The following ADAMTS12 variants were observed in gnomAD, a reference collection of about 807,000 sequenced individuals.
ADAMTS12 encodes ADAM metallopeptidase with thrombospondin type 1 motif 12.
ADAMTS12 carries 118 observed loss-of-function variants against 167.8 expected under a neutral mutation model. The ratio of observed to expected loss-of-function variants is 0.70; its 90% confidence interval spans 0.61 to 0.82. ADAMTS12 has a LOEUF of 0.82. Ranked by LOEUF, ADAMTS12 falls within the 40% of genes least tolerant of loss-of-function variation. ADAMTS12 has a pLI of 0.00. For synonymous variants in ADAMTS12, 704 were observed against 716.9 expected (o/e 0.98, Z 0.29); for missense variants, 1,916 against 1,998.8 (o/e 0.96, Z 0.79).
chr5:33,682,854 C>CA (rs552120669), intron 5 of ADAMTS12, among the ~76,000 whole-genome samples, 164 bp downstream of exon 5: 3 of 152,114 alleles, frequency 2.0e-5, no homozygotes, highest in Non-Finnish European at 4.4e-5. Context: ...CGCTCAGTAT[C>CA]ACTGAACTCC....
At chr5:33,865,024 G>A (rs1440401166) in intron 2 of ADAMTS12, among the ~76,000 whole-genome samples, 3 of 151,848 alleles carry the variant, frequency 2.0e-5, no homozygotes, top group African/African-American at 7.3e-5. Flanking sequence ...TGAATTCACA[G>A]CTTAATTCTA....
intron 3 of ADAMTS12, among the ~76,000 whole-genome samples, chr5:33,733,011 G>A (rs1744244785): frequency 6.6e-6 from 1 of 151,106 alleles, no homozygotes; most frequent in Admixed American, 6.6e-5. Context: ...CCAATTGTGG[G>A]TTTTATTATA....
chr5:33,726,649 G>A (rs2112344816), intron 3 of ADAMTS12, among the ~76,000 whole-genome samples: 1 of 152,286 alleles, frequency 6.6e-6, no homozygotes, highest in African/African-American at 2.4e-5. Flanking sequence ...ATCTGTGATT[G>A]GTTGAAGTGT....
intron 5 of ADAMTS12, among the ~76,000 whole-genome samples, chr5:33,669,659 A>C (rs1337493360): frequency 6.6e-6 from 1 of 152,118 alleles, no homozygotes; most frequent in Non-Finnish European, 1.5e-5. Context: ...TAGTATTAAA[A>C]AAAAGGCAAA....
intron 2 of ADAMTS12, among the ~76,000 whole-genome samples, chr5:33,863,916 C>G (rs540225451): frequency 7.2e-5 from 11 of 152,312 alleles, no homozygotes; most frequent in African/African-American, 2.2e-4. Flanking sequence ...CTACAACCAT[C>G]TGATCTTTGA....
chr5:33,632,010 C>T (rs543851504), intron 12 of ADAMTS12, among the ~76,000 whole-genome samples: 62 of 152,096 alleles, frequency 4.1e-4, no homozygotes, highest in African/African-American at 1.5e-3. Context: ...ATTCATGTGG[C>T]CAGGAAATGA....
chr5:33,860,271 G>T (rs1204961260), intron 2 of ADAMTS12, among the ~76,000 whole-genome samples: 2 of 152,108 alleles, frequency 1.3e-5, no homozygotes, highest in African/African-American at 4.8e-5. Context: ...CTTAAAAAAA[G>T]GTTAGAGGAA....
At chr5:33,626,668 G>T (rs1277620298) in intron 13 of ADAMTS12, among the ~76,000 whole-genome samples, 1 of 151,248 alleles carries the variant, frequency 6.6e-6, no homozygotes, top group Non-Finnish European at 1.5e-5. Flanking sequence ...TGGTAATGGT[G>T]GTGGTGATTT....
At chr5:33,779,163 T>C (rs887698360) in intron 2 of ADAMTS12, among the ~76,000 whole-genome samples, 2 of 150,152 alleles carry the variant, frequency 1.3e-5, no homozygotes, top group Non-Finnish European at 3.0e-5. Flanking sequence ...TGGGTATATA[T>C]CCAAAGGAAC....
chr5:33,805,735 GA>G (rs34616375), intron 2 of ADAMTS12, among the ~76,000 whole-genome samples: 4 of 151,936 alleles, frequency 2.6e-5, no homozygotes, highest in Non-Finnish European at 4.4e-5. Context: ...TGCTGTGAAG[GA>G]AAAAAGGGCT....
intron 5 of ADAMTS12, among the ~76,000 whole-genome samples, chr5:33,674,481 G>C (rs1741828802): frequency 6.6e-6 from 1 of 152,158 alleles, no homozygotes; most frequent in African/African-American, 2.4e-5. Flanking sequence ...TCTTTTTCCA[G>C]GGAAAAGGAA....
At chr5:33,807,339 T>C (rs994085363) in intron 2 of ADAMTS12, among the ~76,000 whole-genome samples, 26 of 152,356 alleles carry the variant, frequency 1.7e-4, no homozygotes, top group African/African-American at 6.3e-4. Context: ...AGGAGAGGAA[T>C]ACAGTAGCAT....
At chr5:33,807,103 A>G (rs1185903748) in intron 2 of ADAMTS12, among the ~76,000 whole-genome samples, 1 of 151,442 alleles carries the variant, frequency 6.6e-6, no homozygotes, top group African/African-American at 2.4e-5. Flanking sequence ...GTCTCTAACC[A>G]TTTTTCTCCT....
chr5:33,884,255 G>A (rs531635331), intron 1 of ADAMTS12, among the ~76,000 whole-genome samples: 39 of 152,082 alleles, frequency 2.6e-4, no homozygotes, highest in Non-Finnish European at 4.6e-4. Flanking sequence ...CTGAAACCAC[G>A]TCACCCCTGC....
At chr5:33,603,867 T>C (rs1027816786) in intron 16 of ADAMTS12, 5 of 152,104 alleles carry the variant, frequency 3.3e-5, no homozygotes, top group African/African-American at 1.2e-4. Context: ...ATACAAAAAA[T>C]AAGGCACCAC....
intron 2 of ADAMTS12, among the ~76,000 whole-genome samples, chr5:33,825,974 C>T (rs983199020): frequency 4.6e-5 from 7 of 152,136 alleles, no homozygotes; most frequent in African/African-American, 1.7e-4. Flanking sequence ...ATTTAGAAAA[C>T]TCCACACTGG....
At chr5:33,608,781 G>T (rs1203606379) in intron 16 of ADAMTS12, among the ~76,000 whole-genome samples, 3 of 152,188 alleles carry the variant, frequency 2.0e-5, no homozygotes, top group African/African-American at 7.2e-5. Flanking sequence ...CCTATTTAAT[G>T]CAGGACAGTG....
rs1745581908 is a variant in ADAMTS12 at position 33,767,534 on chromosome 5, GGTTTCATTGGTAACAT to G, written c.490-16002_490-15987del. ...TTTATTATACTTTTCTAAATGCAAT[GGTTTCATTGGTAACAT>G]GTTTTAACTAAAAATAATTTTTTTA... On this transcript the variant is annotated intron_variant, in intron 2 of 23. Coordinates refer to ENST00000504830, the MANE Select transcript of ADAMTS12 (RefSeq NM_030955.4). Among the ~76,000 whole-genome samples, 8 of 151,926 alleles carry G rather than the reference GGTTTCATTGGTAACAT, an allele frequency of 5.3e-5. No homozygotes were observed. In the South Asian group the frequency reaches 1.7e-3, roughly 32 times the overall value.
chr5:33,696,162 C>G (rs1256912973), intron 3 of ADAMTS12, among the ~76,000 whole-genome samples: 1 of 152,164 alleles, frequency 6.6e-6, no homozygotes, highest in South Asian at 2.1e-4. Context: ...TGGCTCATGC[C>G]TGTAATCCCA....
Sources: allele counts gnomAD v4.1 joint callset (sites outside exome capture counted in the v4.1 genomes callset), GRCh38; gene constraint gnomAD v4.1.1; transcripts MANE v1.5; gene names NCBI Gene and HGNC (gene_info 2026-07-23, HGNC 2026-07-21).